Variants in ZDHHC15 observed in about 807,000 individuals in gnomAD.
ZDHHC15 encodes the protein zDHHC palmitoyltransferase 15, also known as palmitoyltransferase ZDHHC15.
In ZDHHC15, 19 loss-of-function variants were observed where a neutral mutation model predicts 31.7. The observed-to-expected ratio is 0.60, with a 90% CI of 0.42 to 0.88. The LOEUF is 0.88. Ranked by LOEUF, ZDHHC15 falls within the 40% of genes least tolerant of loss-of-function variation. ZDHHC15 has a pLI of 0.00. For missense variants in ZDHHC15, 209 were observed against 251.2 expected (o/e 0.83, Z 1.14); for synonymous variants, 103 against 90.0 (o/e 1.14, Z -0.82).
intron 1 of ZDHHC15, among the ~76,000 whole-genome samples, chrX:75,516,975 T>C (rs961389335): frequency 2.7e-5 from 3 of 111,956 alleles, no homozygotes; most frequent in Non-Finnish European, 3.8e-5. Flanking sequence ...AGCCAAAAGA[T>C]ACATGAAAAA....
chrX:75,374,173 T>G (rs866614833), intron 11 of ZDHHC15, among the ~76,000 whole-genome samples: 1 of 108,181 alleles, frequency 9.2e-6, no homozygotes, highest in Non-Finnish European at 1.9e-5. Flanking sequence ...TAAGTGGGAG[T>G]TGAACAATGA....
At chrX:75,496,584 G>T (rs1357949850) in intron 2 of ZDHHC15, among the ~76,000 whole-genome samples, 1 of 111,713 alleles carries the variant, frequency 9.0e-6, no homozygotes, top group East Asian at 2.8e-4. Flanking sequence ...GGAACATTTT[G>T]CAAGATAGAT....
intron 3 of ZDHHC15, among the ~76,000 whole-genome samples, chrX:75,469,216 A>C (rs2084464107): frequency 8.9e-6 from 1 of 111,754 alleles, no homozygotes; most frequent in Non-Finnish European, 1.9e-5. Context: ...ACATTTAAGC[A>C]TTTGGTCCTT....
chrX:75,493,002 T>C (rs1284293873), intron 2 of ZDHHC15, among the ~76,000 whole-genome samples: 2 of 111,366 alleles, frequency 1.8e-5, no homozygotes, highest in Admixed American at 1.9e-4. Context: ...GAACTGGTTT[T>C]TTCAAAAGAT....
intron 1 of ZDHHC15, among the ~76,000 whole-genome samples, chrX:75,517,989 A>T (rs1011899872): frequency 1.8e-5 from 2 of 110,495 alleles, no homozygotes; most frequent in South Asian, 7.6e-4. Flanking sequence ...AAAAAAACAA[A>T]AAACAAACAA....
intron 2 of ZDHHC15, among the ~76,000 whole-genome samples, chrX:75,486,525 CAGGCA>C (rs1265896916): frequency 8.9e-6 from 1 of 112,510 alleles, no homozygotes; most frequent in Non-Finnish European, 1.9e-5. Context: ...GGTGGGCAGG[CAGGCA>C]AGGAGGGGTA....
At chrX:75,408,436 T>C (rs1382612729) in intron 10 of ZDHHC15, among the ~76,000 whole-genome samples, 2 of 111,160 alleles carry the variant, frequency 1.8e-5, no homozygotes, top group Non-Finnish European at 3.8e-5. Flanking sequence ...AAACTGGGTA[T>C]AAAAGGATCA....
chrX:75,513,245 C>T (rs771523400), intron 1 of ZDHHC15, among the ~76,000 whole-genome samples: 1 of 111,577 alleles, frequency 9.0e-6, no homozygotes, highest in African/African-American at 3.2e-5. Flanking sequence ...CTTCATGTCT[C>T]TTCGGAAAAT....
Position 75,370,209 on chromosome X carries a change from T to C in ZDHHC15, c.*2769A>G, listed in dbSNP as rs1174761442. 1 of 111,653 alleles carries C rather than the reference T, an allele frequency of 9.0e-6. No homozygotes were observed. Among genetic ancestry groups the C allele is most frequent in the Non-Finnish European group, 1.9e-5 (1 of 53,154 alleles). The allele number at this position is 111,653 out of a possible 1,213,427, so 9.2% of individuals were successfully genotyped here. A position where few individuals can be genotyped will look rare whatever the true frequency, so the allele number is the denominator to read the frequency against. On this transcript the variant is annotated 3_prime_UTR_variant, in exon 12 of 12. Transcript: ENST00000373367. ...CCCTTCAGCAGTAGGATCCTAACAA[T>C]GAGTATCTTCATTTTGCAAACGGAG...
intron 1 of ZDHHC15, among the ~76,000 whole-genome samples, chrX:75,514,767 G>T (rs1293788506): frequency 9.0e-6 from 1 of 111,239 alleles, no homozygotes; most frequent in African/African-American, 3.3e-5. Context: ...TGGGTCTCAC[G>T]CCCATGGAGC....
intron 3 of ZDHHC15, among the ~76,000 whole-genome samples, chrX:75,467,930 G>A (rs1456367577): frequency 4.5e-5 from 5 of 111,237 alleles, no homozygotes; most frequent in African/African-American, 1.6e-4. Flanking sequence ...CCCAGAGCCT[G>A]GGAACTATTA....
intron 10 of ZDHHC15, among the ~76,000 whole-genome samples, chrX:75,388,841 C>G (rs1396422440): frequency 8.9e-6 from 1 of 112,101 alleles, no homozygotes; most frequent in Non-Finnish European, 1.9e-5. Context: ...CTCCCCACAG[C>G]AACACCAAAT....
chrX:75,510,654 C>T (rs1229734278), intron 1 of ZDHHC15, among the ~76,000 whole-genome samples: 2 of 88,349 alleles, frequency 2.3e-5, no homozygotes, highest in African/African-American at 4.1e-5. Flanking sequence ...TATACATGTG[C>T]CATGCTGGTG....
At chrX:75,463,733 C>T (rs1292674916) in intron 3 of ZDHHC15, among the ~76,000 whole-genome samples, 2 of 111,653 alleles carry the variant, frequency 1.8e-5, no homozygotes, top group African/African-American at 3.3e-5. Context: ...AAATCAAAAC[C>T]ACAATGAAAT....
chrX:75,429,311 C>T (rs2083750143), intron 6 of ZDHHC15, 113 bp from the exon 7 acceptor site: 3 of 906,891 alleles, frequency 3.3e-6, no homozygotes, highest in African/African-American at 2.0e-5. Context: ...CATTATGTGT[C>T]GTGTAAAAGC....
intron 2 of ZDHHC15, among the ~76,000 whole-genome samples, chrX:75,492,881 C>G (rs1164380449): frequency 9.0e-6 from 1 of 111,202 alleles, no homozygotes; most frequent in Non-Finnish European, 1.9e-5. Context: ...ACTAGAGAAG[C>G]AAGAGCAAAC....
chrX:75,450,640 T>A (rs939351376), intron 4 of ZDHHC15, 162 bp downstream of exon 4: 2 of 1,051,360 alleles, frequency 1.9e-6, no homozygotes, highest in Non-Finnish European at 2.6e-6. Context: ...CCAGCTTTGA[T>A]ATGTGTTTAA....
intron 10 of ZDHHC15, among the ~76,000 whole-genome samples, chrX:75,414,187 A>T (rs1275746961): frequency 2.7e-5 from 3 of 111,682 alleles, no homozygotes; most frequent in Non-Finnish European, 3.8e-5. Flanking sequence ...GACTACATGG[A>T]TCTATACACT....
intron 10 of ZDHHC15, chrX:75,384,850 A>G: frequency 1.8e-6 from 1 of 564,002 alleles, no homozygotes; most frequent in East Asian, 3.4e-5. Context: ...AAATAAATAA[A>G]AGACATCTGG....
Sources: allele counts gnomAD v4.1 joint callset (sites outside exome capture counted in the v4.1 genomes callset), GRCh38; gene constraint gnomAD v4.1.1; transcripts MANE v1.5; gene names NCBI Gene and HGNC (gene_info 2026-07-23, HGNC 2026-07-21).